Variants in SCD5 observed in about 807,000 individuals in gnomAD.
The protein encoded by SCD5 is stearoyl-CoA desaturase 5, also known as acyl-CoA-desaturase 4.
A neutral mutation model predicts 30.4 loss-of-function variants in SCD5; 20 were observed. The ratio of observed to expected loss-of-function variants is 0.66; its 90% CI spans 0.46 to 0.96. The LOEUF (loss-of-function observed/expected upper bound fraction) is 0.96. Among genes scored for constraint, SCD5 ranks in the 40% least tolerant of loss-of-function variants. The pLI, the probability that SCD5 is intolerant of heterozygous loss-of-function variation, is 0.00. For synonymous variants in SCD5, 173 were observed against 176.4 expected (o/e 0.98, Z 0.16); for missense variants, 381 against 443.3 (o/e 0.86, Z 1.26).
chr4:82,779,656 A>G (rs1051760286), intron 1 of SCD5, among the ~76,000 whole-genome samples: 3 of 152,208 alleles, frequency 2.0e-5, no homozygotes, highest in Admixed American at 1.3e-4. Flanking sequence ...AACCTCATGC[A>G]AACCCTGACG....
At chr4:82,634,327 A>T (rs903897958) in intron 4 of SCD5, among the ~76,000 whole-genome samples, 5 of 151,388 alleles carry the variant, frequency 3.3e-5, no homozygotes, top group African/African-American at 1.2e-4. Context: ...AAACTGTCAG[A>T]CTCTTTTCTT....
chr4:82,680,551 AG>A (rs1728544782), intron 3 of SCD5, among the ~76,000 whole-genome samples, 155 bp downstream of exon 3: 1 of 152,366 alleles, frequency 6.6e-6, no homozygotes, highest in East Asian at 1.9e-4. Context: ...AATGAGCAAA[AG>A]GAAATTAATA....
At chr4:82,691,975 G>C (rs1007456796) in intron 2 of SCD5, 8 of 152,334 alleles carry the variant, frequency 5.3e-5, no homozygotes, top group African/African-American at 1.9e-4. Flanking sequence ...TCTTGTAGCA[G>C]AGCATAATCA....
intron 1 of SCD5, among the ~76,000 whole-genome samples, chr4:82,786,598 G>A (rs2148852925): frequency 6.6e-6 from 1 of 152,012 alleles, no homozygotes; most frequent in South Asian, 2.1e-4. Context: ...TCAGGAGTTC[G>A]AGACCAGCCT....
chr4:82,725,274 C>G (rs1410817133), intron 1 of SCD5, among the ~76,000 whole-genome samples: 1 of 152,176 alleles, frequency 6.6e-6, no homozygotes, highest in Non-Finnish European at 1.5e-5. Flanking sequence ...CTCATGGGTA[C>G]AGGCTCCTGA....
At chr4:82,741,279 G>T (rs1720867962) in intron 1 of SCD5, among the ~76,000 whole-genome samples, 1 of 152,222 alleles carries the variant, frequency 6.6e-6, no homozygotes, top group South Asian at 2.1e-4. Context: ...TTGTGGTTTT[G>T]TTTGGTCAAT....
At chr4:82,747,072 C>CCCCCCCCCCT (rs1019360039) in intron 1 of SCD5, among the ~76,000 whole-genome samples, 1 of 146,164 alleles carries the variant, frequency 6.8e-6, no homozygotes, top group Non-Finnish European at 1.6e-5. Flanking sequence ...GCAACCTGCC[C>CCCCCCCCCCT]CCCAAGAAAG....
At chr4:82,671,355 A>C (rs2148819231) in intron 3 of SCD5, among the ~76,000 whole-genome samples, 1 of 152,298 alleles carries the variant, frequency 6.6e-6, no homozygotes, top group Non-Finnish European at 1.5e-5. Context: ...ATCAGTAAAG[A>C]CATAGTTAAA....
At chr4:82,778,251 C>T (rs1253906739) in intron 1 of SCD5, among the ~76,000 whole-genome samples, 1 of 152,034 alleles carries the variant, frequency 6.6e-6, no homozygotes, top group Non-Finnish European at 1.5e-5. Context: ...ACTTAGAGGA[C>T]AAGTCAATAG....
At chr4:82,682,956 TA>T (rs201474751) in intron 2 of SCD5, among the ~76,000 whole-genome samples, 3,614 of 152,252 alleles carry the variant, frequency 0.024, 73 homozygotes, top group South Asian at 0.097. Flanking sequence ...GGTGGGATTA[TA>T]AATGTGCGCC....
chr4:82,661,536 A>G (rs1235308195), intron 3 of SCD5, among the ~76,000 whole-genome samples: 1 of 152,236 alleles, frequency 6.6e-6, no homozygotes, highest in Non-Finnish European at 1.5e-5. Flanking sequence ...TATTTTCAGA[A>G]AATTGCTGTC....
intron 3 of SCD5, among the ~76,000 whole-genome samples, chr4:82,655,907 G>T (rs1372434811): frequency 6.6e-6 from 1 of 152,082 alleles, no homozygotes; most frequent in Non-Finnish European, 1.5e-5. Flanking sequence ...GTAAGCCAAG[G>T]GTGGCTCCTT....
chr4:82,734,009 G>T (rs1720696214), intron 1 of SCD5, among the ~76,000 whole-genome samples: 2 of 151,816 alleles, frequency 1.3e-5, no homozygotes, highest in Non-Finnish European at 2.9e-5. Flanking sequence ...TACAATGAAG[G>T]CTGTGTCTAA....
At chr4:82,711,083 G>T (rs1001135735) in intron 1 of SCD5, among the ~76,000 whole-genome samples, 2 of 152,152 alleles carry the variant, frequency 1.3e-5, no homozygotes, top group African/African-American at 4.8e-5. Context: ...AAGATTAAAA[G>T]GGGTACTGCA....
intron 1 of SCD5, among the ~76,000 whole-genome samples, chr4:82,737,899 CA>C (rs1269906725): frequency 6.7e-6 from 1 of 149,918 alleles, no homozygotes; most frequent in East Asian, 1.9e-4. Flanking sequence ...GAAATCTAAA[CA>C]AAACTTAAGT....
chr4:82,745,666 CT>C, intron 1 of SCD5, among the ~76,000 whole-genome samples: 1 of 152,310 alleles, frequency 6.6e-6, no homozygotes, highest in African/African-American at 2.4e-5. Context: ...CCTCCCACCC[CT>C]GCCCAATGAT....
chr4:82,716,379 C>T (rs985034599), intron 1 of SCD5, among the ~76,000 whole-genome samples: 1 of 151,850 alleles, frequency 6.6e-6, no homozygotes, highest in Non-Finnish European at 1.5e-5. Context: ...TGTAAACAAA[C>T]AAACAAACAA....
At chr4:82,716,508 G>A (rs1720231232) in intron 1 of SCD5, among the ~76,000 whole-genome samples, 1 of 151,828 alleles carries the variant, frequency 6.6e-6, no homozygotes, top group Non-Finnish European at 1.5e-5. Context: ...ATTCAACTGT[G>A]GGCTGAAAAT....
chr4:82,738,855 T>C (rs1482000537), intron 1 of SCD5, among the ~76,000 whole-genome samples: 1 of 152,192 alleles, frequency 6.6e-6, no homozygotes, highest in Non-Finnish European at 1.5e-5. Flanking sequence ...CTATGTCTTA[T>C]CTCATTTAAT....
Sources: allele counts gnomAD v4.1 joint callset (sites outside exome capture counted in the v4.1 genomes callset), GRCh38; gene constraint gnomAD v4.1.1; transcripts MANE v1.5; gene names NCBI Gene and HGNC (gene_info 2026-07-23, HGNC 2026-07-21).